The following KCNIP4 variants were observed in gnomAD, a reference collection of about 807,000 sequenced individuals.
The protein encoded by KCNIP4 is potassium voltage-gated channel interacting protein 4.
A neutral mutation model predicts 34.0 loss-of-function variants in KCNIP4; 12 were observed. The ratio of observed to expected loss-of-function variants is 0.35; its 90% CI spans 0.23 to 0.57. The LOEUF is 0.57. KCNIP4 is among the 20% of genes least tolerant of loss of function. The probability of loss-of-function intolerance (pLI) is 0.83; values close to 1 mark genes in which losing one functional copy is unlikely to be tolerated. For synonymous variants in KCNIP4, 124 were observed against 102.2 expected, an observed-to-expected ratio of 1.21 and a Z score of -1.29; for missense variants, 238 against 311.7, an observed-to-expected ratio of 0.76 and a Z score of 1.78.
intron 3 of KCNIP4, among the ~76,000 whole-genome samples, chr4:20,804,666 T>G (rs1475817890): frequency 6.6e-6 from 1 of 152,158 alleles, no homozygotes; most frequent in East Asian, 1.9e-4. Flanking sequence ...TCTACTTGAT[T>G]GGGTGTGTAT....
intron 1 of KCNIP4, among the ~76,000 whole-genome samples, chr4:21,619,152 C>T (rs1387590066): frequency 1.4e-5 from 2 of 147,386 alleles, no homozygotes; most frequent in African/African-American, 4.9e-5. Flanking sequence ...CATTGGCCTC[C>T]GACTTCCCTC....
In KCNIP4 at chr4:20,898,800, T is replaced by C. The variant is rs1332440953; in HGVS notation, c.62-16091A>G. Among the ~76,000 whole-genome samples, 3 of 152,196 alleles carry C rather than the reference T, an allele frequency of 2.0e-5. No homozygotes were observed. The East Asian group carries it at 5.8e-4, about 29-fold the overall frequency. On this transcript the variant is annotated intron_variant, in intron 1 of 8. Coordinates refer to ENST00000382152, the MANE Select transcript of KCNIP4 (RefSeq NM_025221.6). ...TCTATCTATCTCTATCTCATCTATC[T>C]ATCTATGAAACTTTCTCAATGCGAC... is the stretch of plus-strand genomic sequence containing the variant.
chr4:21,487,811 C>A (rs1185960953), intron 1 of KCNIP4, among the ~76,000 whole-genome samples: 1 of 152,090 alleles, frequency 6.6e-6, no homozygotes, highest in Non-Finnish European at 1.5e-5. Context: ...GTTAGGAGCT[C>A]GTTCACTTGG....
At chr4:21,009,196 C>T (rs1437326187) in intron 1 of KCNIP4, among the ~76,000 whole-genome samples, 1 of 152,004 alleles carries the variant, frequency 6.6e-6, no homozygotes, top group Non-Finnish European at 1.5e-5. Context: ...TAACACTAAG[C>T]GTGAGGAGTG....
intron 1 of KCNIP4, among the ~76,000 whole-genome samples, chr4:20,931,840 C>T (rs989190291): frequency 1.1e-4 from 16 of 151,712 alleles, no homozygotes; most frequent in African/African-American, 3.9e-4. Context: ...ATAGGATGAA[C>T]AGGTCTAGAG....
chr4:20,922,516 ACTGTCTGT>A (rs763750641), intron 1 of KCNIP4, among the ~76,000 whole-genome samples: 723 of 143,330 alleles, frequency 5.0e-3, no homozygotes, highest in Middle Eastern at 0.022. Flanking sequence ...TAATAGTGTG[ACTGTCTGT>A]CTGTCTGTCT....
At chr4:21,587,468 T>C (rs911087289) in intron 1 of KCNIP4, among the ~76,000 whole-genome samples, 10 of 152,036 alleles carry the variant, frequency 6.6e-5, no homozygotes, top group African/African-American at 2.2e-4. Flanking sequence ...AGAAAGACAG[T>C]CTTATCTTCA....
At chr4:20,936,705 C>T (rs1360052626) in intron 1 of KCNIP4, among the ~76,000 whole-genome samples, 1 of 151,410 alleles carries the variant, frequency 6.6e-6, no homozygotes, top group African/African-American at 2.4e-5. Flanking sequence ...GTATCCTGAG[C>T]TCATCCACAA....
intron 1 of KCNIP4, among the ~76,000 whole-genome samples, chr4:21,525,008 T>C (rs180757207): frequency 6.6e-6 from 1 of 152,264 alleles, no homozygotes; most frequent in East Asian, 1.9e-4. Context: ...GCAGCCCAGC[T>C]TGAAGCTATC....
intron 1 of KCNIP4, among the ~76,000 whole-genome samples, chr4:21,429,087 T>C (rs1001429885): frequency 5.3e-5 from 8 of 152,192 alleles, no homozygotes; most frequent in Non-Finnish European, 8.8e-5. Flanking sequence ...TATAGTATCA[T>C]ACAAAATAGG....
intron 1 of KCNIP4, among the ~76,000 whole-genome samples, chr4:21,466,879 C>T (rs1186590565): frequency 6.6e-6 from 1 of 152,082 alleles, no homozygotes; most frequent in Non-Finnish European, 1.5e-5. Flanking sequence ...GCAAATCTAT[C>T]TAATCCTGGC....
intron 1 of KCNIP4, among the ~76,000 whole-genome samples, chr4:21,571,975 A>G (rs1449546248): frequency 6.6e-6 from 1 of 152,170 alleles, no homozygotes; most frequent in Non-Finnish European, 1.5e-5. Context: ...GATGTAAAGT[A>G]ACTTTCCAAA....
chr4:21,471,039 C>T (rs1730426797), intron 1 of KCNIP4, among the ~76,000 whole-genome samples: 1 of 152,038 alleles, frequency 6.6e-6, no homozygotes, highest in South Asian at 2.1e-4. Flanking sequence ...TACCTCCAGG[C>T]TCACAAAATA....
intron 1 of KCNIP4, among the ~76,000 whole-genome samples, chr4:20,957,290 A>G (rs1316497944): frequency 6.6e-6 from 1 of 152,202 alleles, no homozygotes; most frequent in African/African-American, 2.4e-5. Flanking sequence ...CTGTTGATTT[A>G]TAATCATATT....
At chr4:21,172,747 G>A (rs7678458) in intron 1 of KCNIP4, among the ~76,000 whole-genome samples, 3,416 of 152,144 alleles carry the variant, frequency 0.022, 146 homozygotes, top group African/African-American at 0.078. Context: ...GTGGCTTATT[G>A]GCCTCATTTT....
intron 1 of KCNIP4, among the ~76,000 whole-genome samples, chr4:21,839,778 T>C (rs1723568117): frequency 6.6e-6 from 1 of 152,038 alleles, no homozygotes; most frequent in Non-Finnish European, 1.5e-5. Flanking sequence ...AGAAATAGTG[T>C]GCTTTTCTAT....
chr4:21,500,284 T>C (rs1395633848), intron 1 of KCNIP4, among the ~76,000 whole-genome samples: 1 of 152,138 alleles, frequency 6.6e-6, no homozygotes, highest in Non-Finnish European at 1.5e-5. Context: ...TTCACTTAAC[T>C]TTTAACGTTT....
At chr4:20,836,065 C>A (rs557826300) in intron 3 of KCNIP4, among the ~76,000 whole-genome samples, 1 of 152,314 alleles carries the variant, frequency 6.6e-6, no homozygotes, top group South Asian at 2.1e-4. Flanking sequence ...CCATTATTTG[C>A]CAAATAGAGT....
intron 1 of KCNIP4, among the ~76,000 whole-genome samples, chr4:21,450,170 G>T (rs903422828): frequency 6.6e-6 from 1 of 152,086 alleles, no homozygotes; most frequent in Non-Finnish European, 1.5e-5. Context: ...AAAGTCTTCA[G>T]AAAATACTCT....
Sources: gnomAD v4.1 joint callset for allele counts (sites outside exome capture counted in the v4.1 genomes callset) on GRCh38, gnomAD v4.1.1 for gene constraint, MANE v1.5 for transcripts, NCBI Gene and HGNC (gene_info 2026-07-23, HGNC 2026-07-21) for gene names.